EYA4: variants seen among roughly 807,000 people sequenced by gnomAD.
EYA4 encodes protein phosphatase EYA4.
EYA4 carries 31 observed loss-of-function variants against 87.9 expected under a neutral mutation model. The observed-to-expected ratio is 0.35, with a 90% CI of 0.27 to 0.48. EYA4 has a LOEUF of 0.48. Ranked by LOEUF, EYA4 falls within the 20% of genes least tolerant of loss-of-function variation. EYA4 has a pLI of 0.99. For missense variants in EYA4, 678 were observed against 761.4 expected (o/e 0.89, Z 1.29); for synonymous variants, 263 against 270.6 (o/e 0.97, Z 0.28).
chr6:133,523,278 T>A (rs995284359), intron 18 of EYA4, 101 bp downstream of exon 18: 2 of 1,250,412 alleles, frequency 1.6e-6, no homozygotes, highest in Non-Finnish European at 1.2e-6. Context: ...TGAAACAAAT[T>A]TGGATAAAGT....
intron 5 of EYA4, among the ~76,000 whole-genome samples, chr6:133,452,175 A>C (rs1007626452): frequency 6.6e-6 from 1 of 152,142 alleles, no homozygotes; most frequent in East Asian, 1.9e-4. Flanking sequence ...AACTTTCCTG[A>C]TCTAACTCTT....
At chr6:133,446,388 TG>T (rs1282902207) in intron 3 of EYA4, among the ~76,000 whole-genome samples, 13 of 152,198 alleles carry the variant, frequency 8.5e-5, no homozygotes, top group Non-Finnish European at 1.9e-4. Flanking sequence ...TATAATAACG[TG>T]TTATGTTATT....
intron 10 of EYA4, among the ~76,000 whole-genome samples, chr6:133,466,622 G>C (rs1394055248): frequency 2.0e-5 from 3 of 152,062 alleles, no homozygotes; most frequent in African/African-American, 7.2e-5. Flanking sequence ...TTTGAATAGG[G>C]GAGGTTTTAT....
At chr6:133,284,577 C>T (rs1318359308) in intron 2 of EYA4, among the ~76,000 whole-genome samples, 1 of 152,180 alleles carries the variant, frequency 6.6e-6, no homozygotes, top group African/African-American at 2.4e-5. Context: ...AGACTTCTTG[C>T]TATCCTCTAG....
intron 3 of EYA4, among the ~76,000 whole-genome samples, chr6:133,403,143 T>C (rs970202864): frequency 3.3e-5 from 5 of 152,048 alleles, no homozygotes; most frequent in Non-Finnish European, 7.3e-5. Flanking sequence ...AAAGGAAACA[T>C]GAACATTGTG....
chr6:133,349,088 C>T (rs560709672), intron 2 of EYA4, among the ~76,000 whole-genome samples: 1 of 152,318 alleles, frequency 6.6e-6, no homozygotes, highest in African/African-American at 2.4e-5. Flanking sequence ...GCACCTGCCT[C>T]AGGGCTTTTG....
At chr6:133,292,944 T>TA (rs1439414634) in intron 2 of EYA4, among the ~76,000 whole-genome samples, 1 of 152,160 alleles carries the variant, frequency 6.6e-6, no homozygotes, top group South Asian at 2.1e-4. Context: ...TAATGAAGTA[T>TA]AAAAAAGAAC....
Position 133,529,470 on chromosome 6 carries a change from G to A in EYA4, c.*665G>A. On this transcript the variant is annotated 3_prime_UTR_variant, in exon 20 of 20. Coordinates refer to ENST00000355286, the MANE Select transcript of EYA4 (RefSeq NM_004100.5). ...CTGATGTGTTGTGCCTTAAAGACAA[G>A]ACAGCATTTGTGTGTTACAATGTAA... 3.1e-6 allele frequency: 3 copies of A among 980,886 alleles called. No homozygotes were observed. The highest frequency in any genetic ancestry group is 9.5e-5 in the South Asian group (2 of 21,138). 60.8% of individuals were successfully genotyped at this position (980,886 alleles called of 1,614,324 possible). A position where few individuals can be genotyped will look rare whatever the true frequency, so the allele number is the denominator to read the frequency against.
chr6:133,515,614 TGTGTGTGA>T (rs1402895370), intron 17 of EYA4, among the ~76,000 whole-genome samples, 179 bp downstream of exon 17: 1 of 103,748 alleles, frequency 9.6e-6, no homozygotes, highest in Non-Finnish European at 1.8e-5. Context: ...AGAGAGAGTG[TGTGTGTGA>T]GTGTGTGTGT....
Position 133,244,415 on chromosome 6 carries a change from A to T in EYA4, c.-66+2666A>T, listed in dbSNP as rs908345100. Among the ~76,000 whole-genome samples, 12 of 152,088 alleles carry T rather than the reference A, an allele frequency of 7.9e-5. No individual in the cohort carries two copies. In the East Asian group the frequency reaches 1.3e-3, roughly 17 times the overall value. On this transcript the variant is annotated intron_variant, in intron 1 of 19. Transcript: ENST00000355286. Reference sequence around the variant, plus strand: ...AGTAGGCTTAAGTTTTAAAATTTTTAAAATCTTAAGATTTGTATAAAAAGG... The same window carrying T: ...AGTAGGCTTAAGTTTTAAAATTTTTTAAATCTTAAGATTTGTATAAAAAGG...
chr6:133,342,264 A>G (rs1403624323), intron 2 of EYA4, among the ~76,000 whole-genome samples: 1 of 150,822 alleles, frequency 6.6e-6, no homozygotes, highest in Non-Finnish European at 1.5e-5. Flanking sequence ...CCTACTGGCT[A>G]CAATTCATTG....
rs78029298 is a variant in EYA4, at chr6:133,418,128, G to A, written c.84-28502G>A. The stretch of plus-strand genomic sequence containing the variant: ...CATTATGGCATTAATTTTGCCTGGG[G>A]TCTTTCTCGAGCTATTCATCCTTCA... On this transcript the variant is annotated intron_variant, in intron 3 of 19. Coordinates refer to ENST00000355286, the MANE Select transcript of EYA4 (RefSeq NM_004100.5). 8.2e-3 allele frequency among the ~76,000 whole-genome samples: 1,245 copies of A among 152,248 alleles called. 8 individuals carry two copies. The highest frequency in any genetic ancestry group is 0.014 in the Non-Finnish European group (925 of 68,008).
intron 1 of EYA4, among the ~76,000 whole-genome samples, chr6:133,269,054 T>C (rs1264844952): frequency 2.0e-5 from 3 of 151,978 alleles, no homozygotes; most frequent in Non-Finnish European, 4.4e-5. Context: ...AGGCCAGGGG[T>C]TCGAGAGCAG....
intron 1 of EYA4, among the ~76,000 whole-genome samples, chr6:133,264,271 G>T (rs1776028354): frequency 6.6e-6 from 1 of 152,230 alleles, no homozygotes; most frequent in African/African-American, 2.4e-5. Flanking sequence ...GGGGCCTTTT[G>T]GCAGAGCGGT....
intron 3 of EYA4, among the ~76,000 whole-genome samples, chr6:133,396,890 A>G (rs370068223): frequency 2.8e-4 from 43 of 152,304 alleles, no homozygotes; most frequent in African/African-American, 9.9e-4. Flanking sequence ...TTCCAGTCAC[A>G]GTGAGAACCC....
intron 14 of EYA4, among the ~76,000 whole-genome samples, chr6:133,509,160 C>A (rs1221522838): frequency 6.6e-6 from 1 of 152,146 alleles, no homozygotes. Context: ...GCATTCAGTA[C>A]AGTTACATAC....
chr6:133,282,381 A>G (rs1017523973), intron 2 of EYA4, among the ~76,000 whole-genome samples: 5 of 152,132 alleles, frequency 3.3e-5, no homozygotes, highest in African/African-American at 1.2e-4. Flanking sequence ...GGCCGCTTGT[A>G]TGTCCTCTTT....
At chr6:133,300,310 T>G (rs780192443) in intron 2 of EYA4, among the ~76,000 whole-genome samples, 1 of 152,046 alleles carries the variant, frequency 6.6e-6, no homozygotes, top group South Asian at 2.1e-4. Flanking sequence ...TTTAAACTCA[T>G]GTTGTTCAAG....
At chr6:133,444,864 G>C (rs185268866) in intron 3 of EYA4, among the ~76,000 whole-genome samples, 1 of 152,130 alleles carries the variant, frequency 6.6e-6, no homozygotes, top group African/African-American at 2.4e-5. Context: ...TAGATCCCCC[G>C]TAATTAGGTC....
Sources: gnomAD v4.1 joint callset for allele counts (sites outside exome capture counted in the v4.1 genomes callset) on GRCh38, gnomAD v4.1.1 for gene constraint, MANE v1.5 for transcripts, NCBI Gene and HGNC (gene_info 2026-07-23, HGNC 2026-07-21) for gene names.